Variants in SH3BGRL2 observed in about 807,000 individuals in gnomAD.
The protein encoded by SH3BGRL2 is SH3 domain binding glutamate rich protein like 2, also known as SH3 domain-binding glutamic acid-rich-like protein 2.
In SH3BGRL2, 21 loss-of-function variants were observed where a neutral mutation model predicts 14.8. That is an observed-to-expected ratio of 1.42 (90% CI 1.01 to 2.05). The LOEUF (loss-of-function observed/expected upper bound fraction) is 2.05, where lower values mean the gene tolerates loss of function less well. SH3BGRL2 is among the 30% of genes most tolerant of loss of function. The pLI is 0.00. For synonymous variants in SH3BGRL2, 50 were observed against 47.8 expected (o/e 1.05, Z -0.19); for missense variants, 147 against 130.8 (o/e 1.12, Z -0.61).
chr6:79,595,591 G>A, the SH3BGRL2 span, among the ~76,000 whole-genome samples: 1 of 152,102 alleles, frequency 6.6e-6, no homozygotes, highest in Non-Finnish European at 1.5e-5. Context: ...GATCATTTCA[G>A]TAGACACAGA....
the SH3BGRL2 span, among the ~76,000 whole-genome samples, chr6:79,598,209 G>T: frequency 6.6e-6 from 1 of 152,168 alleles, no homozygotes; most frequent in South Asian, 2.1e-4. Context: ...TAAACATAGA[G>T]TCACGACATG....
chr6:79,699,806 G>A lies in SH3BGRL2; in HGVS notation c.*297G>A. On this transcript the variant is annotated 3_prime_UTR_variant, in exon 4 of 4. Transcript: ENST00000369838. Reference sequence around the variant, plus strand: ...TTTCTTAATGACTGAAAGATAAGTGGGTAGCACCGTCAGAGAGAAAATGTT... The same window carrying A: ...TTTCTTAATGACTGAAAGATAAGTGAGTAGCACCGTCAGAGAGAAAATGTT... 1 of 383,202 alleles carries A rather than the reference G, an allele frequency of 2.6e-6. No individual in the cohort carries two copies. The allele number at this position is 383,202 out of a possible 1,614,324, so 23.7% of individuals were successfully genotyped here.
the SH3BGRL2 span, among the ~76,000 whole-genome samples, chr6:79,605,401 C>T: frequency 6.6e-6 from 1 of 152,164 alleles, no homozygotes; most frequent in African/African-American, 2.4e-5. Context: ...AAATGAATAC[C>T]TTCATGATCC....
chr6:79,685,185 C>T (rs1770067494), intron 2 of SH3BGRL2, among the ~76,000 whole-genome samples: 2 of 152,192 alleles, frequency 1.3e-5, no homozygotes, highest in East Asian at 3.8e-4. Flanking sequence ...ATGACTTGTG[C>T]TGTGAATACT....
At chr6:79,616,562 C>G in the SH3BGRL2 span, among the ~76,000 whole-genome samples, 1 of 151,798 alleles carries the variant, frequency 6.6e-6, no homozygotes, top group Non-Finnish European at 1.5e-5. Context: ...TAGGAAGATA[C>G]GTCTCAGAGA....
the SH3BGRL2 span, among the ~76,000 whole-genome samples, chr6:79,590,148 A>G: frequency 1.3e-5 from 2 of 152,194 alleles, no homozygotes; most frequent in South Asian, 2.1e-4. Context: ...AGTCAAAAAA[A>G]TAACAAATGC....
the SH3BGRL2 span, among the ~76,000 whole-genome samples, chr6:79,583,696 G>T: frequency 1.0e-3 from 157 of 152,250 alleles, no homozygotes; most frequent in Middle Eastern, 3.4e-3. Flanking sequence ...TGAGCTGATG[G>T]GTGCAGCAAA....
intron 1 of SH3BGRL2, among the ~76,000 whole-genome samples, chr6:79,659,922 G>A (rs199820073): frequency 0.48 from 72,443 of 151,378 alleles, 17,844 homozygotes; most frequent in Non-Finnish European, 0.53. Context: ...GAGTTCACTC[G>A]TGATTTGGCT....
the SH3BGRL2 span, among the ~76,000 whole-genome samples, chr6:79,555,241 C>T: frequency 1.3e-5 from 2 of 151,894 alleles, no homozygotes; most frequent in Non-Finnish European, 2.9e-5. Context: ...CCTGAGGTCA[C>T]GAGTTCAAGA....
intron 1 of SH3BGRL2, among the ~76,000 whole-genome samples, chr6:79,654,131 T>G (rs1769357955): frequency 6.6e-6 from 1 of 152,182 alleles, no homozygotes; most frequent in Non-Finnish European, 1.5e-5. Flanking sequence ...TCATTAATAG[T>G]CCAAATCTTA....
At chr6:79,691,299 G>A (rs903772961) in intron 2 of SH3BGRL2, among the ~76,000 whole-genome samples, 1 of 152,024 alleles carries the variant, frequency 6.6e-6, no homozygotes. Flanking sequence ...AGCAGAGGGT[G>A]AGATCAAATC....
chr6:79,569,295 C>T, the SH3BGRL2 span, among the ~76,000 whole-genome samples: 287 of 152,158 alleles, frequency 1.9e-3, 2 homozygotes, highest in Non-Finnish European at 1.5e-3. Context: ...TTGTGGAGAA[C>T]AAGGTTCTTA....
At chr6:79,693,619 G>A (rs1241578529) in intron 2 of SH3BGRL2, among the ~76,000 whole-genome samples, 2 of 152,022 alleles carry the variant, frequency 1.3e-5, no homozygotes, top group Non-Finnish European at 2.9e-5. Flanking sequence ...AGATAATCAT[G>A]TGGTTTTTGT....
the SH3BGRL2 span, among the ~76,000 whole-genome samples, chr6:79,614,518 T>C: frequency 6.6e-6 from 1 of 152,174 alleles, no homozygotes; most frequent in African/African-American, 2.4e-5. Context: ...CTTCAGACTT[T>C]AGCTGCAGGG....
Position 79,701,245 on chromosome 6 carries a change from T to C in SH3BGRL2, c.*1736T>C, listed in dbSNP as rs1420544983. ...ATTCCATTTGACAAATCCCAGGGAC[T>C]ATCCAGGAATTTTTTTTTAACTGGA... On this transcript the variant is annotated 3_prime_UTR_variant, in exon 4 of 4. Coordinates refer to ENST00000369838, the MANE Select transcript of SH3BGRL2 (RefSeq NM_031469.4). 1 of 152,358 alleles carries C rather than the reference T, an allele frequency of 6.6e-6. No homozygotes were observed. Among genetic ancestry groups the C allele is most frequent in the South Asian group, 2.1e-4 (1 of 4,828 alleles). 9.4% of individuals were successfully genotyped at this position (152,358 alleles called of 1,614,324 possible).
At chr6:79,577,845 G>A in the SH3BGRL2 span, among the ~76,000 whole-genome samples, 2 of 152,198 alleles carry the variant, frequency 1.3e-5, no homozygotes, top group South Asian at 2.1e-4. Flanking sequence ...AGCACAAGGG[G>A]TTGCGGGATT....
At chr6:79,573,748 T>G in the SH3BGRL2 span, 1 of 152,232 alleles carries the variant, frequency 6.6e-6, no homozygotes, top group Non-Finnish European at 1.5e-5. Flanking sequence ...CTTTAAAAAT[T>G]ATATTGTATA....
At chr6:79,565,040 TAGGA>T in the SH3BGRL2 span, among the ~76,000 whole-genome samples, 2 of 152,288 alleles carry the variant, frequency 1.3e-5, no homozygotes, top group Non-Finnish European at 1.5e-5. Flanking sequence ...CAAACCTACT[TAGGA>T]AGGAAGGAAT....
intron 2 of SH3BGRL2, among the ~76,000 whole-genome samples, chr6:79,691,344 TTTTG>T (rs1176755497): frequency 6.6e-6 from 1 of 151,946 alleles, no homozygotes; most frequent in Non-Finnish European, 1.5e-5. Context: ...TTTTGTTTTT[TTTTG>T]TTTTTTAAAT....
Sources: allele counts gnomAD v4.1 joint callset (sites outside exome capture counted in the v4.1 genomes callset), GRCh38; gene constraint gnomAD v4.1.1; transcripts MANE v1.5; gene names NCBI Gene and HGNC (gene_info 2026-07-23, HGNC 2026-07-21).